Variants in TRMT5 observed in about 807,000 individuals in gnomAD.
TRMT5 encodes tRNA (guanine(37)-N(1))-methyltransferase.
In TRMT5, 31 loss-of-function variants were observed where a neutral mutation model predicts 42.2. The observed-to-expected ratio is 0.73, with a 90% CI of 0.55 to 0.99. The LOEUF is 0.99. Ranked by LOEUF, TRMT5 falls within the 50% of genes least tolerant of loss-of-function variation. TRMT5 has a pLI of 0.00. For synonymous variants in TRMT5, 198 were observed against 209.6 expected (o/e 0.94, Z 0.48); for missense variants, 568 against 595.0 (o/e 0.95, Z 0.47).
rs79192187 is a variant in TRMT5 at position 60,976,143 on chromosome 14, T to G, written c.793-17A>C. On this transcript the variant is annotated splice_polypyrimidine_tract_variant and intron_variant, in intron 3 of 4. Coordinates refer to ENST00000261249, the MANE Select transcript of TRMT5 (RefSeq NM_020810.3). The stretch of plus-strand genomic sequence containing the variant: ...TTCTCGAACCTGAAAAAAGGTGTTA[T>G]GCTTTTTGGTTAATTTCCTTGGTCC... The G allele has an allele frequency of 3.8e-6, 6 of 1,589,754 alleles. No homozygotes were observed. Among genetic ancestry groups the G allele is most frequent in the Non-Finnish European group, 5.1e-6 (6 of 1,168,614 alleles).
intron 2 of TRMT5, among the ~76,000 whole-genome samples, chr14:60,978,386 A>G (rs2036874882): frequency 6.6e-6 from 1 of 152,176 alleles, no homozygotes; most frequent in Non-Finnish European, 1.5e-5. Context: ...TGATAATCAG[A>G]TACTTGTTTT....
chr14:60,975,660 C>T lies in TRMT5; in HGVS notation c.1259G>A (p.Ser420Asn), dbSNP rs2036836750. The change falls in exon 4 of 5, where the codon AGC becomes AAC. Residue 420 changes from serine (S) to asparagine (N), a missense_variant. Transcript: ENST00000261249. The part of the protein sequence containing the change: ...SEFLPIVHCY[S>N]FSKDANPAED... Reference sequence around the variant, plus strand: ...AGCAGGGTTAGCATCTTTGGAAAAGCTATAACAATGCACTATGGGAAGGAA... The same window carrying T: ...AGCAGGGTTAGCATCTTTGGAAAAGTTATAACAATGCACTATGGGAAGGAA... The T allele has an allele frequency of 6.2e-7, 1 of 1,614,070 alleles. No individual in the cohort carries two copies. Among genetic ancestry groups the T allele is most frequent in the Non-Finnish European group, 8.5e-7 (1 of 1,180,034 alleles).
At position 60,979,741 on chromosome 14, in the gene TRMT5, G is replaced by C. The variant is rs188092813; in HGVS notation, c.157C>G (p.Gln53Glu). 17 of 1,613,816 alleles carry C rather than the reference G, an allele frequency of 1.1e-5. No individual in the cohort carries two copies. Among genetic ancestry groups the C allele is most frequent in the Admixed American group, 1.0e-4 (6 of 59,996 alleles). ...LEAPGIFLLGQRKRFSTMPET... is the reference protein window; with the variant it reads ...LEAPGIFLLGERKRFSTMPET... ...GGCATGGTTGAGAATCTTTTTCTTTGACCCAATAAGAAAATACCAGGTGCT... is the reference window on the plus strand; with the variant it reads ...GGCATGGTTGAGAATCTTTTTCTTTCACCCAATAAGAAAATACCAGGTGCT... The change falls in exon 2 of 5, where the codon CAA (glutamine) becomes GAA (glutamate). Residue 53 changes from glutamine to glutamate, a missense_variant. Transcript: ENST00000261249.
chr14:60,975,425 G>C (rs776975436), intron 4 of TRMT5, 50 bp downstream of exon 4: 2 of 1,572,066 alleles, frequency 1.3e-6, no homozygotes, highest in Non-Finnish European at 1.7e-6. Flanking sequence ...GGAGGAATTA[G>C]TTACAATTGA....
In TRMT5 at chr14:60,979,281, A is replaced by G. The variant is rs199782523; in HGVS notation, c.617T>C (p.Ile206Thr). Reference protein sequence around the residue: ...VTSGFSRIGHIAHLNLRDHQL... With the variant: ...VTSGFSRIGHTAHLNLRDHQL... ...ATGATCTCGAAGGTTTAGGTGTGCAATATGTCCAATCCTGCTAAACCCTGA... is the reference window on the plus strand; with the variant it reads ...ATGATCTCGAAGGTTTAGGTGTGCAGTATGTCCAATCCTGCTAAACCCTGA... The change falls in exon 2 of 5, where the codon ATT becomes ACT. Residue 206 changes from isoleucine to threonine, a missense_variant. Transcript: ENST00000261249. 32 of 1,613,846 alleles carry G rather than the reference A, an allele frequency of 2.0e-5. No individual in the cohort carries two copies. Among genetic ancestry groups the G allele is most frequent in the Admixed American group, 6.7e-5 (4 of 59,988 alleles).
chr14:60,979,172 T>C (rs1421425340), intron 2 of TRMT5, 59 bp downstream of exon 2: 1 of 1,453,782 alleles, frequency 6.9e-7, no homozygotes, highest in African/African-American at 1.4e-5. Flanking sequence ...TTTTTAAAGC[T>C]AAAATTAACA....
At chr14:60,981,288 C>A (rs1377215288), upstream of TRMT5, 3 of 1,605,916 alleles carry the variant, frequency 1.9e-6, no homozygotes, top group South Asian at 3.4e-5. Context: ...ATGGAGGCGT[C>A]CTGGGGGAGC....
rs551236238 is a variant in TRMT5 at position 60,972,017 on chromosome 14, T to C, written c.*3092A>G. ...CCTCCTCCTGGGAGCCAAGAGGAAG[T>C]CTCTCAAAACTAGAAGGGAAAGATG... On this transcript the variant is annotated 3_prime_UTR_variant, in exon 5 of 5. Transcript: ENST00000261249. 243 of 253,138 alleles carry C rather than the reference T, an allele frequency of 9.6e-4. 1 individual carries two copies. The highest frequency in any genetic ancestry group is 1.6e-3 in the Non-Finnish European group (212 of 129,204). 15.7% of individuals were successfully genotyped at this position (253,138 alleles called of 1,614,324 possible).
At chr14:60,980,023 G>T in intron 1 of TRMT5, 137 bp from the exon 2 acceptor site, 1 of 961,404 alleles carries the variant, frequency 1.0e-6, no homozygotes, top group South Asian at 2.0e-5. Context: ...ATCTTTTCCA[G>T]ACTAGGATGA....
At position 60,979,222 on chromosome 14, in the gene TRMT5, C is replaced by T; in HGVS notation, c.667+9G>A. On this transcript the variant is annotated intron_variant, in intron 2 of 4. Coordinates refer to ENST00000261249, the MANE Select transcript of TRMT5 (RefSeq NM_020810.3). ...TTCAAATACATGAATATTACTATGA[C>T]ACACGTACCAATTAAATGTTTGAAA... 1 of 1,588,842 alleles carries T rather than the reference C, an allele frequency of 6.3e-7. No homozygotes were observed. Among genetic ancestry groups the T allele is most frequent in the Non-Finnish European group, 8.6e-7 (1 of 1,168,258 alleles).
At chr14:60,979,150 T>TA (rs900413591) in intron 2 of TRMT5, 81 bp downstream of exon 2, 395 of 1,278,920 alleles carry the variant, frequency 3.1e-4, no homozygotes, top group Non-Finnish European at 3.6e-4. Flanking sequence ...AACTTGGCAT[T>TA]AAAAAAAATA....
chr14:60,979,172 T>G lies in TRMT5; in HGVS notation c.667+59A>C. On this transcript the variant is annotated intron_variant, in intron 2 of 4. Coordinates refer to ENST00000261249, the MANE Select transcript of TRMT5 (RefSeq NM_020810.3). ...CATTAAAAAAAATAATTTTTAAAGCTAAAATTAACAATTTGCAAATTCCCT... is the reference window on the plus strand; with the variant it reads ...CATTAAAAAAAATAATTTTTAAAGCGAAAATTAACAATTTGCAAATTCCCT... 3 of 1,453,904 alleles carry G rather than the reference T, an allele frequency of 2.1e-6. No individual in the cohort carries two copies. In the East Asian group the frequency reaches 6.9e-5, roughly 34 times the overall value. The allele number at this position is 1,453,904 out of a possible 1,614,324, so 90.1% of individuals were successfully genotyped here. A position where few individuals can be genotyped will look rare whatever the true frequency, so the allele number is the denominator to read the frequency against.
upstream of TRMT5, chr14:60,981,402 T>C: frequency 1.1e-5 from 18 of 1,569,558 alleles, no homozygotes; most frequent in Non-Finnish European, 1.5e-5. Context: ...CTGTGTTCGC[T>C]TCCCCGCGCT....
chr14:60,976,244 T>A, intron 3 of TRMT5, 118 bp from the exon 4 acceptor site: 1 of 1,185,264 alleles, frequency 8.4e-7, no homozygotes, highest in Non-Finnish European at 1.2e-6. Flanking sequence ...TTTACTACTG[T>A]AAGAGCCAAA....
chr14:60,977,673 A>G, intron 2 of TRMT5, 35 bp from the exon 3 acceptor site: 3 of 1,544,294 alleles, frequency 1.9e-6, no homozygotes, highest in Non-Finnish European at 2.6e-6. Context: ...AATACTGCCT[A>G]TTGGTTGCAA....
Position 60,972,711 on chromosome 14 carries a change from T to C in TRMT5, c.*2398A>G, listed in dbSNP as rs1566587724. 3.9e-6 allele frequency: 1 copy of C among 254,136 alleles called. No individual in the cohort carries two copies. Among genetic ancestry groups the C allele is most frequent in the Non-Finnish European group, 7.7e-6 (1 of 129,622 alleles). The allele number at this position is 254,136 out of a possible 1,614,324, so 15.7% of individuals were successfully genotyped here. A position where few individuals can be genotyped will look rare whatever the true frequency, so the allele number is the denominator to read the frequency against. ...TCAAAATCAGTTGTAAATGATTGCC[T>C]ATTAATGGTTATCATTAACCATCAT... On this transcript the variant is annotated 3_prime_UTR_variant, in exon 5 of 5. Transcript: ENST00000261249.
rs990022840 is a variant in TRMT5 at position 60,980,748 on chromosome 14, A to C, written c.11+215T>G. The C allele has an allele frequency of 2.5e-5, 17 of 685,928 alleles. No individual in the cohort carries two copies. In the Admixed American group the frequency reaches 3.4e-4, roughly 14 times the overall value. 42.5% of individuals were successfully genotyped at this position (685,928 alleles called of 1,614,324 possible). A position where few individuals can be genotyped will look rare whatever the true frequency, so the allele number is the denominator to read the frequency against. ...CTGACCAGCTGGGTGACCCTGGATA[A>C]ATTACTATAAGTCTCGGTTTTCCCA... On this transcript the variant is annotated intron_variant, in intron 1 of 4. Transcript: ENST00000261249.
chr14:60,971,736 G>A lies in TRMT5; in HGVS notation c.*3373C>T, dbSNP rs548951433. ...GAAATGAAAATGGCAGAATTTATCC[G>A]AAGATCCATAATCTAGAAATGGAAC... On this transcript the variant is annotated 3_prime_UTR_variant, in exon 5 of 5. Coordinates refer to ENST00000261249, the MANE Select transcript of TRMT5 (RefSeq NM_020810.3). The A allele has an allele frequency of 2.9e-4, 46 of 160,868 alleles. No individual in the cohort carries two copies. The highest frequency in any genetic ancestry group is 4.2e-4 in the Non-Finnish European group (31 of 74,134). The allele number at this position is 160,868 out of a possible 1,614,324, so 10.0% of individuals were successfully genotyped here. A position where few individuals can be genotyped will look rare whatever the true frequency, so the allele number is the denominator to read the frequency against.
In TRMT5 at chr14:60,975,030, C is replaced by T. The variant is rs1332179876; in HGVS notation, c.*79G>A. The T allele has an allele frequency of 1.2e-5, 15 of 1,227,470 alleles. No individual in the cohort carries two copies. The highest frequency in any genetic ancestry group is 1.7e-5 in the Non-Finnish European group (15 of 888,794). The allele number at this position is 1,227,470 out of a possible 1,614,324, so 76.0% of individuals were successfully genotyped here. A position where few individuals can be genotyped will look rare whatever the true frequency, so the allele number is the denominator to read the frequency against. ...CAAGGGTTCAATAGTAAAAACCAAA[C>T]CCTAAAATTTTATTAAATAATACAA... is the stretch of plus-strand genomic sequence containing the variant. On this transcript the variant is annotated 3_prime_UTR_variant, in exon 5 of 5. Coordinates refer to ENST00000261249, the MANE Select transcript of TRMT5 (RefSeq NM_020810.3).
Sources: gnomAD v4.1 joint callset for allele counts (sites outside exome capture counted in the v4.1 genomes callset) on GRCh38, gnomAD v4.1.1 for gene constraint, MANE v1.5 for transcripts, NCBI Gene and HGNC (gene_info 2026-07-23, HGNC 2026-07-21) for gene names.